The following NALF1 variants were observed in gnomAD, a reference collection of about 807,000 sequenced individuals.
NALF1 encodes the protein family with sequence similarity 155 member A.
In NALF1, 3 loss-of-function variants were observed where a neutral mutation model predicts 48.4. That is an observed-to-expected ratio of 0.06 (90% CI 0.03 to 0.16). NALF1 has a LOEUF of 0.16. Among genes scored for constraint, NALF1 ranks in the 10% least tolerant of loss-of-function variants. NALF1 has a pLI of 1.00. For missense variants in NALF1, 526 were observed against 571.5 expected (o/e 0.92, Z 0.81); for synonymous variants, 262 against 245.7 (o/e 1.07, Z -0.62).
intron 1 of NALF1, among the ~76,000 whole-genome samples, chr13:107,492,880 C>CA (rs1282594286): frequency 1.3e-5 from 2 of 151,760 alleles, no homozygotes; most frequent in African/African-American, 2.4e-5. Flanking sequence ...CATCTGTGAC[C>CA]AAAAAAACAC....
intron 1 of NALF1, among the ~76,000 whole-genome samples, chr13:107,232,856 C>T (rs1369790946): frequency 6.6e-6 from 1 of 152,184 alleles, no homozygotes; most frequent in Non-Finnish European, 1.5e-5. Flanking sequence ...ATGTTGTGCT[C>T]CTACCACATT....
chr13:107,270,683 C>G (rs1881143884), intron 1 of NALF1, among the ~76,000 whole-genome samples: 1 of 151,236 alleles, frequency 6.6e-6, no homozygotes. Context: ...TATTATTATA[C>G]TTTAAGTTTT....
intron 1 of NALF1, among the ~76,000 whole-genome samples, chr13:107,678,730 G>A (rs994365418): frequency 6.6e-6 from 1 of 152,194 alleles, no homozygotes; most frequent in Non-Finnish European, 1.5e-5. Context: ...TCACAACGGG[G>A]CAGGAAGGAG....
At chr13:107,778,143 G>A (rs1594260139) in intron 1 of NALF1, among the ~76,000 whole-genome samples, 1 of 152,200 alleles carries the variant, frequency 6.6e-6, no homozygotes, top group South Asian at 2.1e-4. Flanking sequence ...GACTTCTGGG[G>A]TGACTGTTTA....
intron 1 of NALF1, among the ~76,000 whole-genome samples, chr13:107,581,548 C>T (rs1212788133): frequency 6.6e-6 from 1 of 152,032 alleles, no homozygotes; most frequent in Non-Finnish European, 1.5e-5. Flanking sequence ...TTGTGTACTA[C>T]AAGAAAATTG....
rs777760773 is a variant in NALF1, at chr13:107,176,316, G to GAGT, written c.1088-5531_1088-5530insACT. On this transcript the variant is annotated intron_variant, in intron 2 of 2. Coordinates refer to ENST00000375915, the MANE Select transcript of NALF1 (RefSeq NM_001080396.3). ...TTGACATTACAGTACCAACCTCACAGTTTTTTTTTTTTTTTTTTTTTTTGA... is the reference window on the plus strand; with the variant it reads ...TTGACATTACAGTACCAACCTCACAGAGTTTTTTTTTTTTTTTTTTTTTTTTGA... 3.3e-3 allele frequency among the ~76,000 whole-genome samples: 402 copies of GAGT among 123,574 alleles called. 6 individuals carry two copies. Among genetic ancestry groups the GAGT allele is most frequent in the African/African-American group, 0.012 (386 of 31,666 alleles). The allele number at this position is 123,574 out of a possible 152,430, so 81.1% of individuals were successfully genotyped here.
chr13:107,166,160 C>T lies in NALF1; in HGVS notation c.*4337G>A, dbSNP rs1210557549. 1 of 152,194 alleles carries T rather than the reference C, an allele frequency of 6.6e-6. No individual in the cohort carries two copies. Among genetic ancestry groups the T allele is most frequent in the African/African-American group, 2.4e-5 (1 of 41,446 alleles). 9.4% of individuals were successfully genotyped at this position (152,194 alleles called of 1,614,324 possible). On this transcript the variant is annotated 3_prime_UTR_variant, in exon 3 of 3. Transcript: ENST00000375915. ...CCTGGCTGGGTGTGGTATCTCACGC[C>T]TGTAATCCCAACACTTTGGGAGGCC...
chr13:107,722,089 A>C (rs1876004188), intron 1 of NALF1, among the ~76,000 whole-genome samples: 2 of 152,144 alleles, frequency 1.3e-5, no homozygotes, highest in Non-Finnish European at 2.9e-5. Context: ...AAATGACCTA[A>C]ATCCAGAAAG....
intron 1 of NALF1, among the ~76,000 whole-genome samples, chr13:107,733,239 C>G (rs903772049): frequency 2.6e-5 from 4 of 152,170 alleles, no homozygotes; most frequent in Admixed American, 2.0e-4. Context: ...AGCCTAGCAA[C>G]CTAGGCAGAA....
chr13:107,365,418 T>C (rs552978502), intron 1 of NALF1, among the ~76,000 whole-genome samples: 40 of 152,244 alleles, frequency 2.6e-4, no homozygotes, highest in African/African-American at 8.7e-4. Context: ...GCCGAGAAAC[T>C]TCTTGCTACA....
In NALF1 at chr13:107,222,573, TAGG is replaced by T. The variant is rs549264857; in HGVS notation, c.916-11821_916-11819del. Among the ~76,000 whole-genome samples, 426 of 152,338 alleles carry T rather than the reference TAGG, an allele frequency of 2.8e-3. 2 individuals carry two copies. The highest frequency in any genetic ancestry group is 0.011 in the South Asian group (53 of 4,818). On this transcript the variant is annotated intron_variant, in intron 1 of 2. Transcript: ENST00000375915. ...ATGTCCTGTGTGTGTTCGCCCCGCTTAGGAGAAGCCCGACTGAAGTTAAACAGC... is the reference window on the plus strand; with the variant it reads ...ATGTCCTGTGTGTGTTCGCCCCGCTTAGAAGCCCGACTGAAGTTAAACAGC...
At chr13:107,478,097 TG>T (rs578021282) in intron 1 of NALF1, among the ~76,000 whole-genome samples, 111 of 152,252 alleles carry the variant, frequency 7.3e-4, no homozygotes, top group African/African-American at 2.6e-3. Context: ...AGCTCCTAGT[TG>T]GGTTTAGTCT....
intron 1 of NALF1, among the ~76,000 whole-genome samples, chr13:107,852,966 C>T (rs936509435): frequency 2.0e-5 from 3 of 152,144 alleles, no homozygotes; most frequent in Non-Finnish European, 4.4e-5. Flanking sequence ...GCCACTTCAT[C>T]TTGTCCCATG....
At chr13:107,782,635 T>G (rs1454188989) in intron 1 of NALF1, among the ~76,000 whole-genome samples, 1 of 150,710 alleles carries the variant, frequency 6.6e-6, no homozygotes, top group African/African-American at 2.5e-5. Context: ...CGCCATCCCA[T>G]CTAGGAAGTG....
At chr13:107,509,677 T>G (rs574032740) in intron 1 of NALF1, among the ~76,000 whole-genome samples, 17 of 152,264 alleles carry the variant, frequency 1.1e-4, no homozygotes, top group African/African-American at 4.1e-4. Flanking sequence ...CAATCAGAAG[T>G]CAGCAACAAG....
intron 1 of NALF1, among the ~76,000 whole-genome samples, chr13:107,341,120 A>G (rs1452866259): frequency 6.6e-6 from 1 of 151,660 alleles, no homozygotes; most frequent in Non-Finnish European, 1.5e-5. Flanking sequence ...GATTTCTAAC[A>G]GATACTTGGT....
intron 1 of NALF1, among the ~76,000 whole-genome samples, chr13:107,740,508 G>A (rs1438273299): frequency 6.6e-6 from 1 of 152,116 alleles, no homozygotes; most frequent in Non-Finnish European, 1.5e-5. Flanking sequence ...TGAATTTCTT[G>A]AAATTACATA....
rs1274456392 is a variant in NALF1 at position 107,841,322 on chromosome 13, TCTCGCTATGTGTGC to T, written c.915+24346_915+24359del. Reference sequence around the variant, plus strand: ...AAGAGCTTGCATGAAGAGACAGCCCTCTCGCTATGTGTGCCTTCAAGGTACCATCCTAAAAGGGA... The same window carrying T: ...AAGAGCTTGCATGAAGAGACAGCCCTCTTCAAGGTACCATCCTAAAAGGGA... On this transcript the variant is annotated intron_variant, in intron 1 of 2. Transcript: ENST00000375915. Among the ~76,000 whole-genome samples, 6 of 152,238 alleles carry T rather than the reference TCTCGCTATGTGTGC, an allele frequency of 3.9e-5. No homozygotes were observed. In the East Asian group the frequency reaches 1.2e-3, roughly 29 times the overall value.
intron 2 of NALF1, among the ~76,000 whole-genome samples, chr13:107,193,323 T>C (rs1032819254): frequency 5.3e-5 from 8 of 152,198 alleles, no homozygotes; most frequent in African/African-American, 1.9e-4. Flanking sequence ...CTGTCTAGAA[T>C]AGGCAGCACA....
Sources: allele counts gnomAD v4.1 joint callset (sites outside exome capture counted in the v4.1 genomes callset), GRCh38; gene constraint gnomAD v4.1.1; transcripts MANE v1.5; gene names NCBI Gene and HGNC (gene_info 2026-07-23, HGNC 2026-07-21).